The following PPP6R2 variants were observed in gnomAD, a reference collection of about 807,000 sequenced individuals.
PPP6R2 encodes protein phosphatase 6 regulatory subunit 2.
In PPP6R2, 62 loss-of-function variants were observed where a neutral mutation model predicts 100.2. The observed-to-expected ratio is 0.62, with a 90% CI of 0.50 to 0.76. The LOEUF is 0.76. Among genes scored for constraint, PPP6R2 ranks in the 30% least tolerant of loss-of-function variants. The pLI is 0.00. For missense variants in PPP6R2, 1,142 were observed against 1,276.3 expected, an observed-to-expected ratio of 0.89 and a Z score of 1.60; for synonymous variants, 525 against 514.7, an observed-to-expected ratio of 1.02 and a Z score of -0.27.
chr22:50,390,016 G>T (rs1161151444), intron 2 of PPP6R2, among the ~76,000 whole-genome samples: 1 of 146,776 alleles, frequency 6.8e-6, no homozygotes, highest in African/African-American at 2.5e-5. Flanking sequence ...TTTTGAGATG[G>T]AGTCTCTCAC....
At chr22:50,388,103 G>A (rs989648893) in intron 2 of PPP6R2, among the ~76,000 whole-genome samples, 7 of 151,670 alleles carry the variant, frequency 4.6e-5, no homozygotes, top group East Asian at 1.9e-4. Context: ...CAGGTGGCTC[G>A]CTTGAGCCCA....
chr22:50,347,389 A>G (rs995483602), intron 1 of PPP6R2, among the ~76,000 whole-genome samples: 2 of 149,470 alleles, frequency 1.3e-5, no homozygotes, highest in African/African-American at 4.9e-5. Context: ...TTCCAACACT[A>G]CTCGTCTTTT....
chr22:50,359,485 G>A (rs1331055296), intron 1 of PPP6R2, among the ~76,000 whole-genome samples: 6 of 152,006 alleles, frequency 3.9e-5, no homozygotes, highest in Admixed American at 6.6e-5. Context: ...CCAAAGTGCT[G>A]GGATTACAGG....
chr22:50,444,052 G>A lies in PPP6R2; in HGVS notation c.2766G>A (p.Gly922=). ...CACTGGCCGTGGCGGTCCCCCTAGG[G>A]CCCATCATGGCAGTCACAGCAGCCC... The part of the protein sequence containing the change: ...SSALAVAVPL[G]PIMAVTAAPA... Residue 922 remains glycine (G), a synonymous_variant, in exon 23 of 24, where the codon GGG becomes GGA. Transcript: ENST00000612753. 1 of 1,613,054 alleles carries A rather than the reference G, an allele frequency of 6.2e-7. No homozygotes were observed. The highest frequency in any genetic ancestry group is 1.3e-5 in the African/African-American group (1 of 75,064).
chr22:50,436,438 A>G lies in PPP6R2; in HGVS notation c.1588A>G (p.Asn530Asp). The G allele has an allele frequency of 6.3e-7, 1 of 1,591,978 alleles. No individual in the cohort carries two copies. The highest frequency in any genetic ancestry group is 8.5e-7 in the Non-Finnish European group (1 of 1,170,688). Reference protein sequence around the residue: ...EETLTETNRRNTVDLVSTHHL... With the variant: ...EETLTETNRRDTVDLVSTHHL... Reference sequence around the variant, plus strand: ...GACGCTGACGGAGACGAACCGCAGGAACACTGTGGACCTGGTGAGGAGGCT... The same window carrying G: ...GACGCTGACGGAGACGAACCGCAGGGACACTGTGGACCTGGTGAGGAGGCT... Residue 530 changes from asparagine to aspartate, a missense_variant, in exon 14 of 24, where the codon AAC (asparagine) becomes GAC (aspartate). Coordinates refer to ENST00000612753, the MANE Select transcript of PPP6R2 (RefSeq NM_001242898.2).
At chr22:50,437,483 CT>C in intron 15 of PPP6R2, 22 bp from the exon 16 acceptor site, 1 of 734,984 alleles carries the variant, frequency 1.4e-6, no homozygotes, top group Non-Finnish European at 2.5e-6. Context: ...CTGTCCGTCC[CT>C]CCCTCCCTCC....
chr22:50,442,272 G>A (rs573332692), intron 22 of PPP6R2, among the ~76,000 whole-genome samples: 110 of 152,322 alleles, frequency 7.2e-4, no homozygotes, highest in Non-Finnish European at 4.6e-4. Context: ...CTGGGGCTCC[G>A]GGCATCTCCC....
chr22:50,429,434 G>A (rs1264998302), intron 10 of PPP6R2, among the ~76,000 whole-genome samples: 4 of 152,114 alleles, frequency 2.6e-5, no homozygotes, highest in Non-Finnish European at 4.4e-5. Context: ...TTCATACGTC[G>A]ATCCATCCTT....
In PPP6R2 at chr22:50,431,098, T is replaced by C. The variant is rs1166359172; in HGVS notation, c.1126-75T>C. On this transcript the variant is annotated intron_variant, in intron 10 of 23. Transcript: ENST00000612753. This position sits in a 1 kb window ranked among gnomAD's most constrained non-coding sequence, Gnocchi z 4.8. ...GTTAGGACGCCACCTTTAGGAAGGG[T>C]TTCCCTCAGCTTTGTGGTGTAGCCG... 3 of 1,265,746 alleles carry C rather than the reference T, an allele frequency of 2.4e-6. No individual in the cohort carries two copies. In the African/African-American group the frequency reaches 4.5e-5, roughly 19 times the overall value. The allele number at this position is 1,265,746 out of a possible 1,614,324, so 78.4% of individuals were successfully genotyped here. A position where few individuals can be genotyped will look rare whatever the true frequency, so the allele number is the denominator to read the frequency against.
At chr22:50,395,920 C>CA (rs1237041546) in intron 3 of PPP6R2, among the ~76,000 whole-genome samples, 3 of 151,310 alleles carry the variant, frequency 2.0e-5, no homozygotes, top group Non-Finnish European at 4.4e-5. Context: ...GAAGCTCGGG[C>CA]ATCGTGGCTC....
chr22:50,434,005 T>C (rs71318416), intron 12 of PPP6R2, among the ~76,000 whole-genome samples: 1,048 of 40,082 alleles, frequency 0.026, 2 homozygotes, highest in Non-Finnish European at 0.039. Flanking sequence ...GCCGGGCATT[T>C]GCTCTGGAGG....
chr22:50,436,884 GGGTCTGGGAGCCCTGGGCTGGGCAT>G, intron 14 of PPP6R2, 79 bp from the exon 15 acceptor site: 1 of 878,694 alleles, frequency 1.1e-6, no homozygotes, highest in Non-Finnish European at 1.9e-6. Flanking sequence ...GTGCTGGGTG[GGGTCTGGGAGCCCTGGGCTGGGCAT>G]GGTCCTGGGC....
At chr22:50,395,559 AT>A (rs1460419891) in intron 3 of PPP6R2, among the ~76,000 whole-genome samples, 1 of 151,870 alleles carries the variant, frequency 6.6e-6, no homozygotes, top group Non-Finnish European at 1.5e-5. Context: ...GTTTTACATT[AT>A]TTTTTATTTT....
At chr22:50,413,832 C>T (rs2060106812) in intron 4 of PPP6R2, among the ~76,000 whole-genome samples, 1 of 152,060 alleles carries the variant, frequency 6.6e-6, no homozygotes, top group Non-Finnish European at 1.5e-5. Flanking sequence ...CCCCAGCCCC[C>T]AGCCCAGTAG....
intron 19 of PPP6R2, 29 bp from the exon 20 acceptor site, chr22:50,439,672 G>T: frequency 6.5e-7 from 1 of 1,535,870 alleles, no homozygotes; most frequent in Non-Finnish European, 8.8e-7. Context: ...GCCTGCCCAC[G>T]CCTGACCACT....
At chr22:50,428,949 G>A (rs899791800) in intron 10 of PPP6R2, among the ~76,000 whole-genome samples, 6 of 152,100 alleles carry the variant, frequency 3.9e-5, no homozygotes, top group African/African-American at 1.2e-4. Context: ...TGTCAGCTAT[G>A]GGCTTTTCAT....
At position 50,438,639 on chromosome 22, in the gene PPP6R2, G is replaced by A; in HGVS notation, c.2005G>A (p.Gly669Ser). 1 of 1,614,058 alleles carries A rather than the reference G, an allele frequency of 6.2e-7. No homozygotes were observed. The highest frequency in any genetic ancestry group is 8.5e-7 in the Non-Finnish European group (1 of 1,179,980). Residue 669 changes from glycine to serine, a missense_variant, in exon 19 of 24, where the codon GGC becomes AGC. This residue lies in a region of PPP6R2 where 550 missense variants were observed against 517.4 expected (regional missense o/e 1.06). Transcript: ENST00000612753. Reference sequence around the variant, plus strand: ...TGCTTCAGAGAGTTGCTCAAAGAATGGCCCAGAGCGTGGAGGCCAGGATGG... The same window carrying A: ...TGCTTCAGAGAGTTGCTCAAAGAATAGCCCAGAGCGTGGAGGCCAGGATGG... ...PHASESCSKN[G>S]PERGGQDGKA... is the part of the protein sequence containing the mutation.
chr22:50,330,878 A>C, the PPP6R2 span, among the ~76,000 whole-genome samples: 9 of 152,178 alleles, frequency 5.9e-5, 1 homozygote, highest in African/African-American at 2.2e-4. Flanking sequence ...CAAGGGATGC[A>C]GGACAAGCTG....
chr22:50,354,303 T>G (rs1451568040), intron 1 of PPP6R2, among the ~76,000 whole-genome samples: 1 of 151,790 alleles, frequency 6.6e-6, no homozygotes, highest in Non-Finnish European at 1.5e-5. Flanking sequence ...AGACTTTGTC[T>G]CAAAATAAAT....
Sources: gnomAD v4.1 joint callset for allele counts (sites outside exome capture counted in the v4.1 genomes callset) on GRCh38, gnomAD v4.1.1 for gene constraint, gnomAD v4.1.1 regional missense constraint, Gnocchi (gnomAD v3.1) non-coding constraint, MANE v1.5 for transcripts, NCBI Gene and HGNC (gene_info 2026-07-23, HGNC 2026-07-21) for gene names.